SNX24: variants seen among roughly 807,000 people sequenced by gnomAD.
SNX24 encodes sorting nexin-24.
A neutral mutation model predicts 28.7 loss-of-function variants in SNX24; 22 were observed. That is an observed-to-expected ratio of 0.77 (90% CI 0.55 to 1.10). SNX24 has a LOEUF of 1.10. Ranked by LOEUF, SNX24 falls within the 50% of genes least tolerant of loss-of-function variation. The pLI is 0.00. For synonymous variants in SNX24, 69 were observed against 71.5 expected (o/e 0.96, Z 0.18); for missense variants, 221 against 201.1 (o/e 1.10, Z -0.60).
At chr5:122,885,537 G>T (rs1044638233) in intron 1 of SNX24, among the ~76,000 whole-genome samples, 1 of 141,012 alleles carries the variant, frequency 7.1e-6, no homozygotes, top group Non-Finnish European at 1.5e-5. Context: ...TGTACTGAAA[G>T]CACCCATTCT....
chr5:122,985,825 T>A (rs1347229895), intron 3 of SNX24, among the ~76,000 whole-genome samples: 1 of 152,224 alleles, frequency 6.6e-6, no homozygotes, highest in East Asian at 1.9e-4. Context: ...TTGGCCCTGA[T>A]TCTGCCTCTG....
intron 3 of SNX24, among the ~76,000 whole-genome samples, chr5:122,961,423 G>A (rs927522375): frequency 6.6e-6 from 1 of 152,210 alleles, no homozygotes; most frequent in African/African-American, 2.4e-5. Flanking sequence ...ATAGAAGCCT[G>A]TAGAATACAG....
At chr5:122,888,224 G>T (rs1756800757) in intron 1 of SNX24, among the ~76,000 whole-genome samples, 1 of 151,976 alleles carries the variant, frequency 6.6e-6, no homozygotes, top group Admixed American at 6.6e-5. Context: ...TAATCTGCAG[G>T]CTTACTTGGA....
intron 1 of SNX24, among the ~76,000 whole-genome samples, chr5:122,911,245 C>G (rs369125015): frequency 6.6e-6 from 1 of 152,128 alleles, no homozygotes; most frequent in Non-Finnish European, 1.5e-5. Context: ...TTTCATGTGT[C>G]TTTTGGCTGC....
At chr5:122,952,609 G>C (rs1236474180) in intron 3 of SNX24, among the ~76,000 whole-genome samples, 1 of 152,186 alleles carries the variant, frequency 6.6e-6, no homozygotes, top group Non-Finnish European at 1.5e-5. Flanking sequence ...GGCATTTGAA[G>C]AAAACAAGTA....
At chr5:122,911,651 G>A (rs1160152077) in intron 1 of SNX24, among the ~76,000 whole-genome samples, 2 of 139,454 alleles carry the variant, frequency 1.4e-5, no homozygotes, top group Non-Finnish European at 3.1e-5. Flanking sequence ...TTTGTATAAG[G>A]TGTAAGGAAG....
intron 5 of SNX24, chr5:123,022,238 G>A (rs2150187395): frequency 6.6e-6 from 1 of 152,272 alleles, no homozygotes; most frequent in Middle Eastern, 3.4e-3. Context: ...CTCTCCAAGA[G>A]TGTTGTAGCA....
intron 3 of SNX24, among the ~76,000 whole-genome samples, chr5:122,998,837 G>C (rs974556684): frequency 1.3e-5 from 2 of 152,172 alleles, no homozygotes; most frequent in Non-Finnish European, 2.9e-5. Flanking sequence ...TTTGTTACTT[G>C]TTATGTATCT....
intron 1 of SNX24, among the ~76,000 whole-genome samples, chr5:122,850,252 G>A (rs562009074): frequency 3.3e-5 from 5 of 152,140 alleles, no homozygotes; most frequent in Non-Finnish European, 1.5e-5. Flanking sequence ...GTCTAGCGAG[G>A]GTCCATTTCC....
At chr5:122,979,293 A>G (rs749473754) in intron 3 of SNX24, among the ~76,000 whole-genome samples, 16 of 152,228 alleles carry the variant, frequency 1.1e-4, no homozygotes, top group African/African-American at 3.6e-4. Context: ...TAACCTTTCA[A>G]TAAGGGAAGA....
chr5:123,024,632 A>G (rs1337567942), intron 5 of SNX24, among the ~76,000 whole-genome samples: 1 of 152,242 alleles, frequency 6.6e-6, no homozygotes, highest in East Asian at 1.9e-4. Context: ...CTGGGCAAGG[A>G]ACAAGAAAGT....
intron 3 of SNX24, among the ~76,000 whole-genome samples, chr5:122,972,604 A>G (rs246321): frequency 0.77 from 117,082 of 152,214 alleles, 45,913 homozygotes; most frequent in East Asian, 0.99. Context: ...CTTTAGCTGT[A>G]AAGTGAGTGC....
intron 3 of SNX24, among the ~76,000 whole-genome samples, chr5:122,957,764 G>A (rs1478823783): frequency 1.3e-5 from 2 of 152,058 alleles, no homozygotes; most frequent in Non-Finnish European, 2.9e-5. Flanking sequence ...TAATTCCTAA[G>A]TATTTTATTC....
intron 3 of SNX24, among the ~76,000 whole-genome samples, chr5:122,973,928 C>A (rs567661163): frequency 2.8e-4 from 43 of 152,318 alleles, no homozygotes; most frequent in Middle Eastern, 3.4e-3. Flanking sequence ...CCTCAAGCAC[C>A]ATTGGATCTG....
chr5:122,847,531 T>A (rs1754698396), intron 1 of SNX24, among the ~76,000 whole-genome samples: 2 of 142,596 alleles, frequency 1.4e-5, no homozygotes, highest in Admixed American at 1.5e-4. Context: ...TCTTCCTCTG[T>A]CACCCAGGCT....
At chr5:122,999,634 T>C (rs993646757) in intron 3 of SNX24, among the ~76,000 whole-genome samples, 1 of 152,208 alleles carries the variant, frequency 6.6e-6, no homozygotes, top group African/African-American at 2.4e-5. Context: ...GGCTCCCCAC[T>C]GTCTTGTCCC....
intron 5 of SNX24, among the ~76,000 whole-genome samples, chr5:123,026,735 CTG>C (rs1264545408): frequency 2.6e-5 from 4 of 152,170 alleles, no homozygotes; most frequent in African/African-American, 4.8e-5. Flanking sequence ...GGCAGGAAGT[CTG>C]GAGTTCTAGC....
At chr5:122,901,637 CT>C (rs1757453184) in intron 1 of SNX24, among the ~76,000 whole-genome samples, 1 of 152,174 alleles carries the variant, frequency 6.6e-6, no homozygotes, top group Non-Finnish European at 1.5e-5. Flanking sequence ...GCCTCTCACT[CT>C]TGACTTTTGT....
chr5:122,972,934 A>T (rs560192513), intron 3 of SNX24, among the ~76,000 whole-genome samples: 1 of 152,178 alleles, frequency 6.6e-6, no homozygotes, highest in African/African-American at 2.4e-5. Flanking sequence ...GTGTAAGTCC[A>T]TGTTGCTGAG....
Sources: gnomAD v4.1 joint callset for allele counts (sites outside exome capture counted in the v4.1 genomes callset) on GRCh38, gnomAD v4.1.1 for gene constraint, MANE v1.5 for transcripts, NCBI Gene and HGNC (gene_info 2026-07-23, HGNC 2026-07-21) for gene names.